The following CCDC88A variants were observed in gnomAD, a reference collection of about 807,000 sequenced individuals.
CCDC88A encodes the protein girdin.
Under a neutral mutation model 234.3 loss-of-function variants are expected in CCDC88A, and 54 were observed. The ratio of observed to expected loss-of-function variants is 0.23; its 90% CI spans 0.19 to 0.29. The LOEUF (loss-of-function observed/expected upper bound fraction) is 0.29, where lower values mean the gene tolerates loss of function less well. Ranked by LOEUF, CCDC88A falls within the 10% of genes least tolerant of loss-of-function variation. The probability of loss-of-function intolerance (pLI) is 1.00; values close to 1 mark genes in which losing one functional copy is unlikely to be tolerated. For missense variants in CCDC88A, 1,832 were observed against 2,123.4 expected, an observed-to-expected ratio of 0.86 and a Z score of 2.70; for synonymous variants, 753 against 737.8, an observed-to-expected ratio of 1.02 and a Z score of -0.33.
intron 2 of CCDC88A, among the ~76,000 whole-genome samples, chr2:55,398,268 CCTCTAT>C (rs1323518836): frequency 4.6e-5 from 7 of 152,174 alleles, no homozygotes; most frequent in Non-Finnish European, 1.0e-4. Context: ...GCACCCCAAA[CCTCTAT>C]CTGTAACTTC....
At chr2:55,414,453 C>G (rs1681016800) in intron 2 of CCDC88A, among the ~76,000 whole-genome samples, 1 of 152,214 alleles carries the variant, frequency 6.6e-6, no homozygotes, top group South Asian at 2.1e-4. Context: ...TACAGAAGAG[C>G]TGGCCCATCA....
At chr2:55,400,022 G>A (rs1166798154) in intron 2 of CCDC88A, among the ~76,000 whole-genome samples, 2 of 152,066 alleles carry the variant, frequency 1.3e-5, no homozygotes, top group African/African-American at 4.8e-5. Context: ...TATGACTCCA[G>A]AATGCTCTAA....
intron 25 of CCDC88A, among the ~76,000 whole-genome samples, chr2:55,306,753 T>G (rs1226113946): frequency 6.6e-6 from 1 of 152,114 alleles, no homozygotes; most frequent in Non-Finnish European, 1.5e-5. Context: ...ATTTTGGATT[T>G]TTAGTAGACA....
At chr2:55,365,585 C>T (rs953134392) in intron 5 of CCDC88A, among the ~76,000 whole-genome samples, 4 of 152,240 alleles carry the variant, frequency 2.6e-5, no homozygotes, top group East Asian at 1.9e-4. Context: ...TTTAGGAGCT[C>T]GTCCTTTAGC....
chr2:55,304,920 T>C (rs919059186), intron 25 of CCDC88A, among the ~76,000 whole-genome samples: 2 of 152,212 alleles, frequency 1.3e-5, no homozygotes, highest in African/African-American at 2.4e-5. Context: ...TAATCACAGC[T>C]CTTTTGACAA....
chr2:55,367,730 T>A (rs1200425644), intron 5 of CCDC88A, among the ~76,000 whole-genome samples: 1 of 151,878 alleles, frequency 6.6e-6, no homozygotes, highest in Non-Finnish European at 1.5e-5. Context: ...GCTTTACAGA[T>A]CATTGATAAG....
At chr2:55,373,929 T>A (rs936358435) in intron 4 of CCDC88A, among the ~76,000 whole-genome samples, 2 of 152,304 alleles carry the variant, frequency 1.3e-5, no homozygotes, top group African/African-American at 2.4e-5. Context: ...AACTGTTAGG[T>A]AGCTGCTAAT....
intron 2 of CCDC88A, chr2:55,394,047 C>G (rs1677117694): frequency 6.6e-6 from 1 of 152,232 alleles, no homozygotes; most frequent in East Asian, 1.9e-4. Flanking sequence ...CAGCCTTTAA[C>G]TTGTGAGCTC....
chr2:55,302,505 T>A (rs1479445106), intron 26 of CCDC88A, among the ~76,000 whole-genome samples: 1 of 152,182 alleles, frequency 6.6e-6, no homozygotes, highest in Non-Finnish European at 1.5e-5. Context: ...AAGAAATTAT[T>A]CATTTTATGA....
At chr2:55,342,191 T>C (rs1668592748) in intron 12 of CCDC88A, among the ~76,000 whole-genome samples, 1 of 152,206 alleles carries the variant, frequency 6.6e-6, no homozygotes, top group Admixed American at 6.5e-5. Flanking sequence ...TTTTCTGAAA[T>C]GAAAAGTGAC....
rs745561678 is a variant in CCDC88A at position 55,343,710 on chromosome 2, T to C, written c.1271A>G (p.Asp424Gly). The change falls in exon 12 of 33, where the codon GAT (aspartate) becomes GGT (glycine). Residue 424 changes from aspartate to glycine, a missense_variant. Asp to Gly is a moderately conservative substitution (Grantham distance 94). Coordinates refer to ENST00000436346, the MANE Select transcript of CCDC88A (RefSeq NM_001365480.1). ...TLEMAQKQSM[D>G]ESLHLGWELE... ...TTCCCAGCCAAGATGTAATGATTCA[T>C]CCATACTTTGTTTCTGTGCCATTTC... 60 of 1,612,166 alleles carry C rather than the reference T, an allele frequency of 3.7e-5. 1 individual carries two copies. The South Asian group carries it at 6.4e-4, about 17-fold the overall frequency.
chr2:55,377,190 T>C (rs554634756), intron 3 of CCDC88A, among the ~76,000 whole-genome samples: 5 of 122,586 alleles, frequency 4.1e-5, no homozygotes, highest in African/African-American at 9.0e-5. Context: ...ACTGTCACTA[T>C]AGACTTTTTT....
chr2:55,417,544 T>C (rs1681694753), intron 2 of CCDC88A: 1 of 152,022 alleles, frequency 6.6e-6, no homozygotes, highest in Non-Finnish European at 1.5e-5. Flanking sequence ...ACGCTCTTTT[T>C]TCCTTTCTTA....
chr2:55,417,970 T>C (rs1190695175), intron 2 of CCDC88A: 1 of 152,114 alleles, frequency 6.6e-6, no homozygotes, highest in African/African-American at 2.4e-5. Context: ...AAAATTCAGT[T>C]TGATAAACTA....
intron 2 of CCDC88A, chr2:55,397,468 T>A (rs1380503917): frequency 6.6e-6 from 1 of 152,184 alleles, no homozygotes; most frequent in Non-Finnish European, 1.5e-5. Context: ...GCAAGCTCAT[T>A]ACTACATGAC....
chr2:55,353,588 C>T (rs1329487477), intron 8 of CCDC88A, among the ~76,000 whole-genome samples: 2 of 145,202 alleles, frequency 1.4e-5, no homozygotes, highest in African/African-American at 5.1e-5. Flanking sequence ...AATTTAATTG[C>T]TACACTGTGG....
intron 7 of CCDC88A, chr2:55,356,396 TCATTGAGGG>T (rs1299380065): frequency 6.6e-6 from 1 of 151,924 alleles, no homozygotes; most frequent in Non-Finnish European, 1.5e-5. Context: ...ATCCAATCTA[TCATTGAGGG>T]CATTTGGGTT....
chr2:55,298,636 G>A (rs1680485362), intron 29 of CCDC88A, among the ~76,000 whole-genome samples: 1 of 152,052 alleles, frequency 6.6e-6, no homozygotes, highest in Non-Finnish European at 1.5e-5. Flanking sequence ...TTCAGAGGCT[G>A]GATGAGGTGC....
chr2:55,381,800 G>A (rs976424147), intron 3 of CCDC88A, among the ~76,000 whole-genome samples: 3 of 152,078 alleles, frequency 2.0e-5, no homozygotes, highest in African/African-American at 7.2e-5. Context: ...GCCTCACTTC[G>A]CTTTCCTGAA....
Sources: allele counts gnomAD v4.1 joint callset (sites outside exome capture counted in the v4.1 genomes callset), GRCh38; gene constraint gnomAD v4.1.1; transcripts MANE v1.5; gene names NCBI Gene and HGNC (gene_info 2026-07-23, HGNC 2026-07-21).